CCT2: variants seen among roughly 807,000 people sequenced by gnomAD.
CCT2 encodes the protein chaperonin containing TCP1 subunit 2, also known as T-complex protein 1 subunit beta.
A neutral mutation model predicts 61.8 loss-of-function variants in CCT2; 18 were observed. That is an observed-to-expected ratio of 0.29 (90% CI 0.20 to 0.43). The LOEUF is 0.43. Ranked by LOEUF, CCT2 falls within the 20% of genes least tolerant of loss-of-function variation. The probability of loss-of-function intolerance (pLI) is 1.00; values close to 1 mark genes in which losing one functional copy is unlikely to be tolerated. For synonymous variants in CCT2, 248 were observed against 215.9 expected (o/e 1.15, Z -1.30); for missense variants, 556 against 656.9 (o/e 0.85, Z 1.68).
rs201943895 is a variant in CCT2 at position 69,597,729 on chromosome 12, G to T, written c.1194G>T (p.Ala398=). The T allele has an allele frequency of 3.2e-5, 52 of 1,613,268 alleles. No individual in the cohort carries two copies. The highest frequency in any genetic ancestry group is 4.1e-5 in the Non-Finnish European group (48 of 1,179,406). ...TGCATGATGCTCTTTGTGTTCTTGC[G>T]CAAACTGTAAAGGACTCTAGAACAG... The part of the protein sequence containing the change: ...RSLHDALCVL[A]QTVKDSRTVY... Residue 398 remains alanine, a synonymous_variant, in exon 12 of 16, where the codon GCG becomes GCT. Coordinates refer to ENST00000299300, the MANE Select transcript of CCT2 (RefSeq NM_006431.3).
intron 4 of CCT2, 156 bp downstream of exon 4, chr12:69,587,772 C>A (rs546551565): frequency 5.4e-6 from 4 of 736,298 alleles, no homozygotes; most frequent in Middle Eastern, 3.7e-4. Flanking sequence ...CAGGAGTGCC[C>A]GTATGTTGGT....
intron 1 of CCT2, 66 bp downstream of exon 1, chr12:69,585,590 T>A: frequency 6.4e-7 from 1 of 1,554,402 alleles, no homozygotes; most frequent in Non-Finnish European, 8.7e-7. Flanking sequence ...CCCCACTGCT[T>A]CCTCTGTCCT....
At chr12:69,595,313 C>T (rs1298639185) in intron 10 of CCT2, among the ~76,000 whole-genome samples, 13 of 152,022 alleles carry the variant, frequency 8.6e-5, no homozygotes, top group African/African-American at 4.8e-5. Context: ...GGAGCCATTG[C>T]GTACTTGATG....
At chr12:69,601,247 A>G in intron 15 of CCT2, 48 bp from the exon 16 acceptor site, 1 of 1,456,798 alleles carries the variant, frequency 6.9e-7, no homozygotes, top group Non-Finnish European at 9.4e-7. Context: ...CTTTGGATAA[A>G]ATCATGCTCT....
In CCT2 at chr12:69,585,466, T is replaced by C. The variant is rs1299700593; in HGVS notation, c.-56T>C. ...TCACTTCCGGCTTCCTTCAGTCCGC[T>C]GGTCCCGAGCACGAGCTGTGAGGGG... is the stretch of plus-strand genomic sequence containing the variant. On this transcript the variant is annotated 5_prime_UTR_variant, in exon 1 of 16. Transcript: ENST00000299300. 1.3e-6 allele frequency: 2 copies of C among 1,552,192 alleles called. No homozygotes were observed. Among genetic ancestry groups the C allele is most frequent in the Non-Finnish European group, 1.7e-6 (2 of 1,146,446 alleles).
intron 9 of CCT2, 109 bp from the exon 10 acceptor site, chr12:69,593,401 A>G (rs1037688788): frequency 2.8e-6 from 2 of 721,690 alleles, no homozygotes; most frequent in African/African-American, 3.6e-5. Context: ...ATCTTGTTCT[A>G]ATTTGCATTT....
In CCT2 at chr12:69,586,836, GTTTTATATTTTAATATTGT is replaced by G. The variant is rs566938815; in HGVS notation, c.144+22_144+40del. On this transcript the variant is annotated intron_variant, in intron 3 of 15. Coordinates refer to ENST00000299300, the MANE Select transcript of CCT2 (RefSeq NM_006431.3). ...AAGGCATGGTAAGAAAAATAGAAAA[GTTTTATATTTTAATATTGT>G]TTTAGAGCGCTTGGTGGAAATATAA... 1.7e-4 allele frequency: 249 copies of G among 1,502,288 alleles called. 2 individuals carry two copies. The African/African-American group carries it at 3.1e-3, about 19-fold the overall frequency. The allele number at this position is 1,502,288 out of a possible 1,614,324, so 93.1% of individuals were successfully genotyped here.
intron 15 of CCT2, among the ~76,000 whole-genome samples, chr12:69,601,007 G>C (rs1213762324): frequency 6.6e-6 from 1 of 152,176 alleles, no homozygotes; most frequent in Non-Finnish European, 1.5e-5. Flanking sequence ...AGGGGGCTGA[G>C]TGGCTAGCTC....
Position 69,597,712 on chromosome 12 carries a change from G to A in CCT2, c.1177G>A (p.Ala393Thr). 2 of 1,613,630 alleles carry A rather than the reference G, an allele frequency of 1.2e-6. No homozygotes were observed. The highest frequency in any genetic ancestry group is 2.2e-5 in the East Asian group (1 of 44,862). Residue 393 changes from alanine (A) to threonine (T), a missense_variant, in exon 12 of 16, where the codon GCT becomes ACT. Ala to Thr is a moderately conservative substitution (Grantham distance 58). Around this residue, in one of 3 missense-constraint regions of CCT2, gnomAD observed 225 missense variants for 249.8 expected, o/e 0.90. Coordinates refer to ENST00000299300, the MANE Select transcript of CCT2 (RefSeq NM_006431.3). ...TGAAGCAGAAAGATCATTGCATGAT[G>A]CTCTTTGTGTTCTTGCGCAAACTGT... Reference protein sequence around the residue: ...LDEAERSLHDALCVLAQTVKD... With the variant: ...LDEAERSLHDTLCVLAQTVKD...
chr12:69,589,882 G>C, intron 7 of CCT2, 195 bp downstream of exon 7: 1 of 582,412 alleles, frequency 1.7e-6, no homozygotes, highest in East Asian at 2.9e-5. Flanking sequence ...CATTGTTGAT[G>C]ATCTCTAGAG....
chr12:69,601,177 A>G, intron 15 of CCT2, 118 bp from the exon 16 acceptor site: 1 of 810,348 alleles, frequency 1.2e-6, no homozygotes, highest in Non-Finnish European at 2.0e-6. Flanking sequence ...CATGCAAACC[A>G]TTGCAGAGTT....
chr12:69,585,831 C>T, intron 1 of CCT2: 1 of 1,332,194 alleles, frequency 7.5e-7, no homozygotes, highest in Non-Finnish European at 9.6e-7. Flanking sequence ...GCTCCGCCCT[C>T]CTTCTAGGGG....
At chr12:69,586,004 C>G in intron 1 of CCT2, 1 of 1,348,556 alleles carries the variant, frequency 7.4e-7, no homozygotes, top group Non-Finnish European at 9.5e-7. Flanking sequence ...CGTCTTTAGT[C>G]TCGCTGTACG....
rs748522922 is a variant in CCT2 at position 69,597,791 on chromosome 12, A to G, written c.1231+25A>G. The G allele has an allele frequency of 3.9e-6, 6 of 1,537,618 alleles. No homozygotes were observed. In the Admixed American group the frequency reaches 5.7e-5, roughly 15 times the overall value. On this transcript the variant is annotated intron_variant, in intron 12 of 15. Coordinates refer to ENST00000299300, the MANE Select transcript of CCT2 (RefSeq NM_006431.3). ...GGTAAGCATTTAGAAAATGTTGAAT[A>G]TATTTTTAATTTCTTAAAGTACAAT...
chr12:69,600,822 G>A (rs1318845111), intron 15 of CCT2, among the ~76,000 whole-genome samples: 2 of 152,176 alleles, frequency 1.3e-5, no homozygotes, highest in South Asian at 2.1e-4. Context: ...CAAGCATTAA[G>A]TACAAATTTA....
chr12:69,598,520 T>TG, intron 14 of CCT2, 99 bp downstream of exon 14: 1 of 640,378 alleles, frequency 1.6e-6, no homozygotes, highest in Non-Finnish European at 2.6e-6. Context: ...AATAACCGTA[T>TG]AAAAGACTCT....
chr12:69,596,155 G>A (rs914653668), intron 10 of CCT2, among the ~76,000 whole-genome samples: 3 of 152,190 alleles, frequency 2.0e-5, no homozygotes, highest in East Asian at 1.9e-4. Context: ...TGGATATGAC[G>A]TCCCAAATAT....
rs1005410188 is a variant in CCT2, at chr12:69,601,414, T to G, written c.*89T>G. On this transcript the variant is annotated 3_prime_UTR_variant, in exon 16 of 16. Coordinates refer to ENST00000299300, the MANE Select transcript of CCT2 (RefSeq NM_006431.3). Reference sequence around the variant, plus strand: ...TATTAAAGAAGACTGTGGAATCTGTTTATCGGTGCCCATTATATCCTTAAG... The same window carrying G: ...TATTAAAGAAGACTGTGGAATCTGTGTATCGGTGCCCATTATATCCTTAAG... The G allele has an allele frequency of 6.2e-7, 1 of 1,612,138 alleles. No individual in the cohort carries two copies. Among genetic ancestry groups the G allele is most frequent in the African/African-American group, 1.3e-5 (1 of 74,950 alleles).
chr12:69,598,101 T>G (rs755875152), intron 13 of CCT2, 30 bp downstream of exon 13: 11 of 1,499,690 alleles, frequency 7.3e-6, no homozygotes, highest in Non-Finnish European at 1.0e-5. Flanking sequence ...AGATCCGAAC[T>G]TAAGTTTTGT....
Sources: gnomAD v4.1 joint callset for allele counts (sites outside exome capture counted in the v4.1 genomes callset) on GRCh38, gnomAD v4.1.1 for gene constraint, gnomAD v4.1.1 regional missense constraint, MANE v1.5 for transcripts, NCBI Gene and HGNC (gene_info 2026-07-23, HGNC 2026-07-21) for gene names.